Variants in TOX observed in about 807,000 individuals in gnomAD.
TOX encodes thymocyte selection-associated high mobility group box protein TOX.
In TOX, 11 loss-of-function variants were observed where a neutral mutation model predicts 53.7. The observed-to-expected ratio is 0.20, with a 90% CI of 0.13 to 0.34. TOX has a LOEUF of 0.34. Ranked by LOEUF, TOX falls within the 10% of genes least tolerant of loss-of-function variation. The pLI is 1.00. For synonymous variants in TOX, 225 were observed against 245.3 expected (o/e 0.92, Z 0.77); for missense variants, 570 against 664.6 (o/e 0.86, Z 1.56).
chr8:58,831,084 G>A (rs952999531), intron 5 of TOX, among the ~76,000 whole-genome samples: 9 of 152,114 alleles, frequency 5.9e-5, no homozygotes, highest in African/African-American at 1.9e-4. Flanking sequence ...GTATTCAGAG[G>A]ATTGAAAACA....
chr8:59,096,218 A>G (rs1346319934), intron 1 of TOX, among the ~76,000 whole-genome samples: 1 of 152,222 alleles, frequency 6.6e-6, no homozygotes, highest in African/African-American at 2.4e-5. Flanking sequence ...TTCAAAAATG[A>G]CTTTAATTAG....
At chr8:59,110,081 T>G (rs1804985578) in intron 1 of TOX, among the ~76,000 whole-genome samples, 1 of 152,162 alleles carries the variant, frequency 6.6e-6, no homozygotes, top group Non-Finnish European at 1.5e-5. Flanking sequence ...AAGCTTAATT[T>G]TGGGAGAGGA....
intron 1 of TOX, chr8:58,991,731 T>C (rs1412526665): frequency 6.6e-6 from 1 of 152,246 alleles, no homozygotes; most frequent in Non-Finnish European, 1.5e-5. Flanking sequence ...TCAGGCTTGT[T>C]GGCATTTCTT....
At chr8:58,964,555 G>C (rs1812858798) in intron 1 of TOX, among the ~76,000 whole-genome samples, 1 of 152,152 alleles carries the variant, frequency 6.6e-6, no homozygotes, top group Non-Finnish European at 1.5e-5. Flanking sequence ...CCCATGCCAT[G>C]GGCTTGTGGA....
At chr8:59,108,671 CACACACACACACACAT>C (rs1409805999) in intron 1 of TOX, among the ~76,000 whole-genome samples, 4 of 150,338 alleles carry the variant, frequency 2.7e-5, no homozygotes, top group African/African-American at 1.0e-4. Flanking sequence ...CACACACACA[CACACACACACACACAT>C]ACACACACAA....
At chr8:58,814,898 T>C (rs76672054) in intron 7 of TOX, among the ~76,000 whole-genome samples, 3,585 of 152,312 alleles carry the variant, frequency 0.024, 133 homozygotes, top group African/African-American at 0.081. Flanking sequence ...TCAGCATTTA[T>C]TGGACTCAAG....
chr8:58,905,141 G>A (rs748806711), intron 3 of TOX, among the ~76,000 whole-genome samples: 1 of 152,140 alleles, frequency 6.6e-6, no homozygotes, highest in African/African-American at 2.4e-5. Context: ...CCATGTTGGC[G>A]AGGATGGTCC....
chr8:59,060,817 G>T (rs543041406), intron 1 of TOX, among the ~76,000 whole-genome samples: 14 of 152,066 alleles, frequency 9.2e-5, no homozygotes, highest in Admixed American at 2.0e-4. Flanking sequence ...AGGAAACCAG[G>T]GCTGACAGAG....
chr8:58,856,121 T>C (rs1373000081), intron 3 of TOX, among the ~76,000 whole-genome samples: 3 of 152,196 alleles, frequency 2.0e-5, no homozygotes, highest in African/African-American at 7.2e-5. Context: ...ATACTTGTAC[T>C]TTCCCCACGA....
chr8:58,807,859 CTT>C (rs1490146937), intron 8 of TOX, 76 bp from the exon 9 acceptor site: 12 of 1,574,282 alleles, frequency 7.6e-6, no homozygotes, highest in East Asian at 4.5e-5. Flanking sequence ...GGATGGATGT[CTT>C]TGAATTATTT....
chr8:59,027,033 T>C (rs1223524796), intron 1 of TOX, among the ~76,000 whole-genome samples: 2 of 152,126 alleles, frequency 1.3e-5, no homozygotes, highest in African/African-American at 2.4e-5. Context: ...CAAAATTCCA[T>C]TGGCTAGTTC....
intron 1 of TOX, among the ~76,000 whole-genome samples, chr8:59,008,634 CGTAATGACCAGTCATACGTCCT>C (rs1261307379): frequency 6.6e-6 from 1 of 152,198 alleles, no homozygotes; most frequent in East Asian, 1.9e-4. Context: ...TCACATGAGA[CGTAATGACCAGTCATACGTCCT>C]GCAGGGTTCA....
intron 3 of TOX, among the ~76,000 whole-genome samples, chr8:58,928,804 T>C (rs1190685991): frequency 1.3e-5 from 2 of 152,212 alleles, no homozygotes; most frequent in Non-Finnish European, 2.9e-5. Flanking sequence ...GCAAGTTTCA[T>C]ACGGTATGAA....
chr8:58,869,086 G>A (rs1811152017), intron 3 of TOX, among the ~76,000 whole-genome samples: 2 of 151,964 alleles, frequency 1.3e-5, no homozygotes, highest in South Asian at 2.1e-4. Context: ...AATTAGCTGG[G>A]CATGGTGGTG....
intron 1 of TOX, among the ~76,000 whole-genome samples, chr8:59,074,467 C>T (rs927452448): frequency 6.6e-6 from 1 of 152,172 alleles, no homozygotes; most frequent in East Asian, 1.9e-4. Flanking sequence ...CGAGGTACCT[C>T]GTAAGATATG....
At chr8:59,079,752 G>A (rs913208791) in intron 1 of TOX, among the ~76,000 whole-genome samples, 5 of 152,138 alleles carry the variant, frequency 3.3e-5, no homozygotes, top group Admixed American at 6.5e-5. Flanking sequence ...CCCACACACA[G>A]TCCCAGCTGT....
intron 1 of TOX, among the ~76,000 whole-genome samples, chr8:59,047,888 A>T (rs1308430159): frequency 6.6e-6 from 1 of 152,202 alleles, no homozygotes; most frequent in Non-Finnish European, 1.5e-5. Flanking sequence ...ACAGGAAAAA[A>T]TTATTGCAAT....
At chr8:58,828,596 T>C (rs1810401242) in intron 5 of TOX, among the ~76,000 whole-genome samples, 1 of 152,142 alleles carries the variant, frequency 6.6e-6, no homozygotes, top group Admixed American at 6.6e-5. Context: ...TTTTTGGAAA[T>C]TCACACGTGA....
At position 59,100,031 on chromosome 8, in the gene TOX, CT is replaced by C. The variant is rs199603479; in HGVS notation, c.102+18854del. ...TTAAAGACATGGAGTAGAATTGCAT[CT>C]TTTTTTTTTTCCCATAAAATGCAAT... On this transcript the variant is annotated intron_variant, in intron 1 of 8. Coordinates refer to ENST00000361421, the MANE Select transcript of TOX (RefSeq NM_014729.3). Among the ~76,000 whole-genome samples, 594 of 148,400 alleles carry C rather than the reference CT, an allele frequency of 4.0e-3. 4 individuals are homozygous for C. Among genetic ancestry groups the C allele is most frequent in the African/African-American group, 0.012 (483 of 40,386 alleles).
Sources: allele counts gnomAD v4.1 joint callset (sites outside exome capture counted in the v4.1 genomes callset), GRCh38; gene constraint gnomAD v4.1.1; transcripts MANE v1.5; gene names NCBI Gene and HGNC (gene_info 2026-07-23, HGNC 2026-07-21).